TAOK3: variants seen among roughly 807,000 people sequenced by gnomAD.
TAOK3 encodes serine/threonine-protein kinase TAO3.
TAOK3 carries 40 observed loss-of-function variants against 120.4 expected under a neutral mutation model. The ratio of observed to expected loss-of-function variants is 0.33; its 90% CI spans 0.26 to 0.43. TAOK3 has a LOEUF of 0.43. Among genes scored for constraint, TAOK3 ranks in the 20% least tolerant of loss-of-function variants. TAOK3 has a pLI of 1.00. For missense variants in TAOK3, 821 were observed against 1,112.1 expected, an observed-to-expected ratio of 0.74 and a Z score of 3.72; for synonymous variants, 355 against 387.5, an observed-to-expected ratio of 0.92 and a Z score of 0.99.
chr12:118,350,994 C>T (rs1446987209), intron 1 of TAOK3, among the ~76,000 whole-genome samples: 16 of 150,554 alleles, frequency 1.1e-4, no homozygotes, highest in African/African-American at 3.7e-4. Flanking sequence ...CCCTGGCCAA[C>T]GTGGTGAAAC....
At chr12:118,318,966 C>T (rs1201175200) in intron 1 of TAOK3, among the ~76,000 whole-genome samples, 1 of 152,004 alleles carries the variant, frequency 6.6e-6, no homozygotes. Context: ...TGAAATAAGG[C>T]AGGCACAGAA....
intron 1 of TAOK3, among the ~76,000 whole-genome samples, chr12:118,344,540 T>G (rs1403145378): frequency 1.3e-5 from 2 of 152,140 alleles, no homozygotes; most frequent in Non-Finnish European, 1.5e-5. Flanking sequence ...TTACAGCATA[T>G]TCAATAACGC....
At chr12:118,169,075 G>A (rs1017000690) in intron 17 of TAOK3, among the ~76,000 whole-genome samples, 3 of 151,514 alleles carry the variant, frequency 2.0e-5, no homozygotes, top group Non-Finnish European at 4.4e-5. Context: ...GTGGAATGGC[G>A]CGATCTCGGC....
intron 14 of TAOK3, among the ~76,000 whole-genome samples, chr12:118,189,488 GGCCTTATATTTT>G (rs1329138326): frequency 6.7e-6 from 1 of 148,522 alleles, no homozygotes; most frequent in Non-Finnish European, 1.5e-5. Flanking sequence ...TCATCTCAAA[GGCCTTATATTTT>G]GCACATACAG....
Position 118,160,296 on chromosome 12 carries a change from A to C in TAOK3, c.2202T>G (p.Tyr734Ter), listed in dbSNP as rs2035131860. Residue 734 changes from tyrosine to a stop codon, truncating the protein, a stop_gained, in exon 19 of 21, where the codon TAT (tyrosine) becomes TAG (stop). Coordinates refer to ENST00000392533, the MANE Select transcript of TAOK3 (RefSeq NM_016281.4). LOFTEE classifies it high-confidence loss of function. The surrounding 1 kb of genome is among the most constrained non-coding windows in gnomAD (Gnocchi z 4.2). Reference sequence around the variant, plus strand: ...CCAACTGGTGATTCTTGAGTGCTTTATACTGTTTGGTCTGTACTTTGCAAG... The same window carrying C: ...CCAACTGGTGATTCTTGAGTGCTTTCTACTGTTTGGTCTGTACTTTGCAAG... ...QDTCKVQTKQ[Y>*]KALKNHQLEV... 1 of 1,614,050 alleles carries C rather than the reference A, an allele frequency of 6.2e-7. No individual in the cohort carries two copies. Among genetic ancestry groups the C allele is most frequent in the Non-Finnish European group, 8.5e-7 (1 of 1,180,034 alleles).
At chr12:118,207,858 T>TCACACACACACACACACACACACACACA (rs55978716) in intron 11 of TAOK3, among the ~76,000 whole-genome samples, 15 of 144,446 alleles carry the variant, frequency 1.0e-4, no homozygotes, top group Non-Finnish European at 1.8e-4. Flanking sequence ...AGACTCTGTC[T>TCACACACACACACACACACACACACACA]CACACACACA....
intron 14 of TAOK3, among the ~76,000 whole-genome samples, chr12:118,184,674 A>G (rs986790399): frequency 6.6e-6 from 1 of 152,190 alleles, no homozygotes; most frequent in South Asian, 2.1e-4. Flanking sequence ...TTACAAATTG[A>G]GTAAGTCTGA....
At chr12:118,219,395 C>T (rs2139609762) in intron 9 of TAOK3, among the ~76,000 whole-genome samples, 1 of 152,090 alleles carries the variant, frequency 6.6e-6, no homozygotes, top group East Asian at 1.9e-4. Flanking sequence ...GTATTACAGG[C>T]TAATTCTCGA....
At chr12:118,217,044 T>C (rs2038942921) in intron 9 of TAOK3, among the ~76,000 whole-genome samples, 1 of 152,174 alleles carries the variant, frequency 6.6e-6, no homozygotes, top group Non-Finnish European at 1.5e-5. Flanking sequence ...TTCTAATTCA[T>C]AATCTGATCT....
chr12:118,308,398 GCTTTCA>G lies in TAOK3; in HGVS notation c.-193-41645_-193-41640del, dbSNP rs2043131701. On this transcript the variant is annotated intron_variant, in intron 1 of 20. Coordinates refer to ENST00000392533, the MANE Select transcript of TAOK3 (RefSeq NM_016281.4). The stretch of plus-strand genomic sequence containing the variant: ...ATGCCTTTACTTTCTTAATAAACTT[GCTTTCA>G]CTTAAAAAAAAAATTAAACATTTAC... Among the ~76,000 whole-genome samples, 3 of 151,814 alleles carry G rather than the reference GCTTTCA, an allele frequency of 2.0e-5. No homozygotes were observed. The South Asian group carries it at 6.2e-4, about 32-fold the overall frequency.
intron 9 of TAOK3, among the ~76,000 whole-genome samples, chr12:118,228,907 T>C (rs1426697545): frequency 1.3e-5 from 2 of 152,178 alleles, no homozygotes; most frequent in East Asian, 3.8e-4. Flanking sequence ...CTTCAATGAA[T>C]TGCTTAATCA....
intron 1 of TAOK3, among the ~76,000 whole-genome samples, chr12:118,311,007 C>T (rs1379498135): frequency 2.0e-5 from 3 of 151,438 alleles, no homozygotes; most frequent in Non-Finnish European, 1.5e-5. Flanking sequence ...TAGATATCTA[C>T]AGATTCTATG....
chr12:118,288,915 C>CAAAAAAAAAAAAAAA (rs34740967), intron 1 of TAOK3, among the ~76,000 whole-genome samples: 1 of 94,214 alleles, frequency 1.1e-5, no homozygotes, highest in African/African-American at 4.1e-5. Flanking sequence ...GACTCTATCT[C>CAAAAAAAAAAAAAAA]AAAAAAAAAA....
rs1370141378 is a variant in TAOK3 at position 118,201,363 on chromosome 12, T to G, written c.920A>C (p.Lys307Thr). The change falls in exon 12 of 21, where the codon AAA (lysine) becomes ACA (threonine). Residue 307 changes from lysine (K) to threonine (T), a missense_variant. By Grantham distance (78) the Lys-to-Thr change is moderately conservative (BLOSUM62 -1). Around this residue, in one of 2 missense-constraint regions of TAOK3, gnomAD observed 467 missense variants for 540.0 expected, o/e 0.86. Transcript: ENST00000392533. ...CTCTTGGAAAAGTATTTTTTTCATT[T>G]TTCGGTACTGTAGGTTATCTAGCTC... ...VRELDNLQYR[K>T]MKKILFQETR... 2 of 1,614,140 alleles carry G rather than the reference T, an allele frequency of 1.2e-6. No homozygotes were observed. Among genetic ancestry groups the G allele is most frequent in the Admixed American group, 3.3e-5 (2 of 60,020 alleles).
intron 9 of TAOK3, among the ~76,000 whole-genome samples, chr12:118,218,979 C>T (rs548700097): frequency 6.6e-6 from 1 of 152,164 alleles, no homozygotes; most frequent in South Asian, 2.1e-4. Context: ...ATAAATAAAA[C>T]CACGTGGAAC....
At chr12:118,165,655 G>C (rs1565880009) in intron 17 of TAOK3, among the ~76,000 whole-genome samples, 1 of 152,138 alleles carries the variant, frequency 6.6e-6, no homozygotes, top group South Asian at 2.1e-4. Context: ...GTATGGCTTG[G>C]GGCAAGTCTC....
chr12:118,340,587 T>C (rs1005286651), intron 1 of TAOK3, among the ~76,000 whole-genome samples: 2 of 152,160 alleles, frequency 1.3e-5, no homozygotes. Context: ...TTTTTGGACT[T>C]TCTAATTATA....
At chr12:118,222,029 T>TA (rs2039262084) in intron 9 of TAOK3, among the ~76,000 whole-genome samples, 1 of 152,190 alleles carries the variant, frequency 6.6e-6, no homozygotes, top group African/African-American at 2.4e-5. Context: ...CCCTTTAACT[T>TA]AGAGACAAAG....
intron 10 of TAOK3, among the ~76,000 whole-genome samples, chr12:118,213,615 A>G (rs1368916568): frequency 6.6e-6 from 1 of 152,042 alleles, no homozygotes; most frequent in Non-Finnish European, 1.5e-5. Context: ...AAGTGTACAT[A>G]TAGTTTAAAA....
Sources: gnomAD v4.1 joint callset for allele counts (sites outside exome capture counted in the v4.1 genomes callset) on GRCh38, gnomAD v4.1.1 for gene constraint, gnomAD v4.1.1 regional missense constraint, Gnocchi (gnomAD v3.1) non-coding constraint, MANE v1.5 for transcripts, NCBI Gene and HGNC (gene_info 2026-07-23, HGNC 2026-07-21) for gene names.